Variants in TSC1 observed in about 807,000 individuals in gnomAD.
The protein encoded by TSC1 is TSC complex subunit 1, also known as hamartin.
TSC1 carries 20 observed loss-of-function variants against 124.3 expected under a neutral mutation model. The observed-to-expected ratio is 0.16, with a 90% CI of 0.11 to 0.23. TSC1 has a LOEUF of 0.23. Ranked by LOEUF, TSC1 falls within the 10% of genes least tolerant of loss-of-function variation. The pLI is 1.00. For synonymous variants in TSC1, 493 were observed against 539.1 expected (o/e 0.91, Z 1.19); for missense variants, 1,124 against 1,448.5 (o/e 0.78, Z 3.64).
chr9:132,896,651 G>A lies in TSC1; in HGVS notation c.3079C>T (p.Arg1027Trp), dbSNP rs375394001. ...CCACCTCTGCTTCCACTACTGCCCC[G>A]GGCGCTGCTGGGCCTGGGGGTCTTG... The part of the protein sequence containing the change: ...ETKTPRPSSA[R>W]GSSGSRGGGG... Residue 1027 changes from arginine (R) to tryptophan (W), a missense_variant, in exon 23 of 23, where the codon CGG becomes TGG. Around this residue, in one of 5 missense-constraint regions of TSC1, gnomAD observed 325 missense variants for 383.4 expected, o/e 0.85. Coordinates refer to ENST00000298552, the MANE Select transcript of TSC1 (RefSeq NM_000368.5). The surrounding 1 kb of genome is among the most constrained non-coding windows in gnomAD (Gnocchi z 4.5). 2.0e-5 allele frequency: 33 copies of A among 1,613,958 alleles called. No homozygotes were observed. Among genetic ancestry groups the A allele is most frequent in the Admixed American group, 1.0e-4 (6 of 60,008 alleles).
rs1844828561 is a variant in TSC1 at position 132,892,570 on chromosome 9, G to A, written c.*3665C>T. 1 of 233,244 alleles carries A rather than the reference G, an allele frequency of 4.3e-6. No individual in the cohort carries two copies. The highest frequency in any genetic ancestry group is 2.2e-5 in the African/African-American group (1 of 45,344). The allele number at this position is 233,244 out of a possible 1,614,324, so 14.4% of individuals were successfully genotyped here. Reference sequence around the variant, plus strand: ...GTGGGCGGCACCCCATCTCACCAAGGTCCTGGCCGGGTCTTCGCTCTGCCC... The same window carrying A: ...GTGGGCGGCACCCCATCTCACCAAGATCCTGGCCGGGTCTTCGCTCTGCCC... On this transcript the variant is annotated 3_prime_UTR_variant, in exon 23 of 23. Coordinates refer to ENST00000298552, the MANE Select transcript of TSC1 (RefSeq NM_000368.5).
At chr9:132,942,394 G>A (rs962990666) in intron 1 of TSC1, 1 of 152,144 alleles carries the variant, frequency 6.6e-6, no homozygotes, top group Non-Finnish European at 1.5e-5. Flanking sequence ...GAGCACTAGG[G>A]TTTCAGATCT....
At chr9:132,931,408 T>G (rs1311062179) in intron 2 of TSC1, 1 of 152,158 alleles carries the variant, frequency 6.6e-6, no homozygotes, top group Admixed American at 6.5e-5. Context: ...GTTTTTCCAT[T>G]TGCAAAGTAA....
chr9:132,932,459 T>C (rs552648255), intron 2 of TSC1, among the ~76,000 whole-genome samples: 2 of 152,318 alleles, frequency 1.3e-5, no homozygotes, highest in Admixed American at 1.3e-4. Context: ...TTGCTTGTAT[T>C]CATGCTACCC....
At position 132,892,715 on chromosome 9, in the gene TSC1, A is replaced by T. The variant is rs1304714338; in HGVS notation, c.*3520T>A. 1.3e-5 allele frequency: 3 copies of T among 233,190 alleles called. No homozygotes were observed. The highest frequency in any genetic ancestry group is 6.6e-5 in the African/African-American group (3 of 45,350). The allele number at this position is 233,190 out of a possible 1,614,324, so 14.4% of individuals were successfully genotyped here. On this transcript the variant is annotated 3_prime_UTR_variant, in exon 23 of 23. Transcript: ENST00000298552. Reference sequence around the variant, plus strand: ...TCGGTTCTTTCCTTCTTCAAGTGGTATGCTCTACTATTTGGTAGAAATTCA... The same window carrying T: ...TCGGTTCTTTCCTTCTTCAAGTGGTTTGCTCTACTATTTGGTAGAAATTCA...
At chr9:132,932,901 T>A (rs974453480) in intron 2 of TSC1, among the ~76,000 whole-genome samples, 2 of 152,226 alleles carry the variant, frequency 1.3e-5, no homozygotes, top group Admixed American at 1.3e-4. Context: ...ACTTTGTAAT[T>A]CATGAGAAAC....
Position 132,896,204 on chromosome 9 carries a change from A to G in TSC1, c.*31T>C. On this transcript the variant is annotated 3_prime_UTR_variant, in exon 23 of 23. Coordinates refer to ENST00000298552, the MANE Select transcript of TSC1 (RefSeq NM_000368.5). This position sits in a 1 kb window ranked among gnomAD's most constrained non-coding sequence, Gnocchi z 4.5. ...ACACCTCCTGTTCTGTGCCAACAAT[A>G]TGCAAGTTAACACTGATTGACCATC... The G allele has an allele frequency of 6.2e-7, 1 of 1,614,056 alleles. No homozygotes were observed. Among genetic ancestry groups the G allele is most frequent in the East Asian group, 2.2e-5 (1 of 44,884 alleles).
intron 2 of TSC1, among the ~76,000 whole-genome samples, chr9:132,933,798 T>C (rs956335236): frequency 6.6e-6 from 1 of 152,220 alleles, no homozygotes; most frequent in African/African-American, 2.4e-5. Context: ...AAATTTGAGA[T>C]TTACTTTTGT....
chr9:132,939,030 A>G (rs941774435), intron 1 of TSC1: 1 of 152,180 alleles, frequency 6.6e-6, no homozygotes, highest in Non-Finnish European at 1.5e-5. Flanking sequence ...CCTATATTCA[A>G]TTTTTTATCC....
chr9:132,939,863 A>T (rs2132463333), intron 1 of TSC1, among the ~76,000 whole-genome samples: 1 of 152,328 alleles, frequency 6.6e-6, no homozygotes, highest in Admixed American at 6.5e-5. Context: ...TTAGAAATGT[A>T]AATTCTCAGG....
At chr9:132,901,503 A>G (rs1366714695) in intron 19 of TSC1, 86 bp downstream of exon 19, 2 of 1,236,448 alleles carry the variant, frequency 1.6e-6, no homozygotes, top group African/African-American at 2.9e-5. Context: ...CAGACACTCA[A>G]GTAATCTATT....
chr9:132,928,639 A>G lies in TSC1; in HGVS notation c.106+128T>C, dbSNP rs537601259. The G allele has an allele frequency of 3.4e-5, 39 of 1,136,466 alleles. 1 individual carries two copies. The South Asian group carries it at 5.3e-4, about 15-fold the overall frequency. The allele number at this position is 1,136,466 out of a possible 1,614,324, so 70.4% of individuals were successfully genotyped here. A position where few individuals can be genotyped will look rare whatever the true frequency, so the allele number is the denominator to read the frequency against. ...TTGAAAGTTTAAAACACATATAGATACTCTCTTTGGGTGTTTAAAAAACTT... is the reference window on the plus strand; with the variant it reads ...TTGAAAGTTTAAAACACATATAGATGCTCTCTTTGGGTGTTTAAAAAACTT... On this transcript the variant is annotated intron_variant, in intron 3 of 22. Transcript: ENST00000298552.
Position 132,921,996 on chromosome 9 carries a change from A to G in TSC1, c.509-23T>C, listed in dbSNP as rs749863126. 7.4e-6 allele frequency: 12 copies of G among 1,613,988 alleles called. No homozygotes were observed. In the Admixed American group the frequency reaches 2.0e-4, roughly 27 times the overall value. On this transcript the variant is annotated intron_variant, in intron 6 of 22. Transcript: ENST00000298552. This position sits in a 1 kb window ranked among gnomAD's most constrained non-coding sequence, Gnocchi z 4.3. ...GGCCTAGAAAAGGAACCCGTTGAGA[A>G]GAGCCTCTTAGTTGGAGACAGATTG...
intron 1 of TSC1, among the ~76,000 whole-genome samples, chr9:132,935,861 T>A (rs1847431636): frequency 6.6e-6 from 1 of 152,224 alleles, no homozygotes; most frequent in African/African-American, 2.4e-5. Context: ...GAAGACCTCC[T>A]AGGCCTCTAC....
chr9:132,918,505 T>C (rs1846378377), intron 8 of TSC1, among the ~76,000 whole-genome samples: 1 of 152,212 alleles, frequency 6.6e-6, no homozygotes, highest in Admixed American at 6.5e-5. Context: ...AAACCTGGAT[T>C]ATTCTCTATA....
chr9:132,944,714 T>C (rs1258409404), upstream of TSC1: 8 of 398,052 alleles, frequency 2.0e-5, no homozygotes, highest in South Asian at 1.0e-3. Context: ...AAAGGAAGGA[T>C]AGACGGCCGC....
chr9:132,915,584 C>T (rs1846235001), intron 8 of TSC1, among the ~76,000 whole-genome samples: 1 of 152,108 alleles, frequency 6.6e-6, no homozygotes, highest in African/African-American at 2.4e-5. Flanking sequence ...TTCCTTTAGA[C>T]AACATAACTT....
chr9:132,901,774 C>T, intron 18 of TSC1, 75 bp from the exon 19 acceptor site: 1 of 1,339,470 alleles, frequency 7.5e-7, no homozygotes. Flanking sequence ...AGCCACCAGC[C>T]CACAGAGGAC....
chr9:132,923,671 G>C lies in TSC1; in HGVS notation c.364-179C>G. On this transcript the variant is annotated intron_variant, in intron 5 of 22. Transcript: ENST00000298552. The surrounding 1 kb of genome is among the most constrained non-coding windows in gnomAD (Gnocchi z 4.2). ...GGATAACATTCAAACAGACTCAACA[G>C]AACACTGAGCCCCAACTCTACTGTA... 2.4e-6 allele frequency: 2 copies of C among 838,414 alleles called. No individual in the cohort carries two copies. Among genetic ancestry groups the C allele is most frequent in the Non-Finnish European group, 3.8e-6 (2 of 529,258 alleles). 51.9% of individuals were successfully genotyped at this position (838,414 alleles called of 1,614,324 possible).
Sources: gnomAD v4.1 joint callset for allele counts (sites outside exome capture counted in the v4.1 genomes callset) on GRCh38, gnomAD v4.1.1 for gene constraint, gnomAD v4.1.1 regional missense constraint, Gnocchi (gnomAD v3.1) non-coding constraint, MANE v1.5 for transcripts, NCBI Gene and HGNC (gene_info 2026-07-23, HGNC 2026-07-21) for gene names.